The following GSE1 variants were observed in gnomAD, a reference collection of about 807,000 sequenced individuals.
The protein encoded by GSE1 is genetic suppressor element 1.
GSE1 carries 32 observed loss-of-function variants against 112.6 expected under a neutral mutation model. That is an observed-to-expected ratio of 0.28 (90% CI 0.21 to 0.38). GSE1 has a LOEUF of 0.38. GSE1 is among the 10% of genes least tolerant of loss of function. GSE1 has a pLI of 1.00. For synonymous variants in GSE1, 1,115 were observed against 735.6 expected (o/e 1.52, Z -8.35); for missense variants, 2,348 against 1,699.2 (o/e 1.38, Z -6.71).
chr16:85,304,606 G>GC (rs35518142), intron 1 of GSE1, among the ~76,000 whole-genome samples: 4,937 of 133,796 alleles, frequency 0.037, 275 homozygotes, highest in African/African-American at 0.082. Flanking sequence ...GGGGGCGGGG[G>GC]GGTGGGGCAT....
intron 1 of GSE1, among the ~76,000 whole-genome samples, chr16:85,265,287 C>T (rs1172703965): frequency 1.3e-5 from 2 of 152,312 alleles, no homozygotes; most frequent in Non-Finnish European, 2.9e-5. Flanking sequence ...GACTGCCTGC[C>T]TGCAAGCCAG....
intron 2 of GSE1, among the ~76,000 whole-genome samples, chr16:85,385,122 C>G (rs2151630650): frequency 6.6e-6 from 1 of 152,378 alleles, no homozygotes; most frequent in South Asian, 2.1e-4. Flanking sequence ...CAAGGAAGCC[C>G]TTTGTGCCAC....
At position 85,657,425 on chromosome 16, in the gene GSE1, G is replaced by T. The variant is rs749734305; in HGVS notation, c.1461G>T (p.Leu487=). The T allele has an allele frequency of 6.2e-7, 1 of 1,612,730 alleles. No individual in the cohort carries two copies. Among genetic ancestry groups the T allele is most frequent in the Non-Finnish European group, 8.5e-7 (1 of 1,179,864 alleles). The change falls in exon 8 of 16, where the codon CTG becomes CTT. Residue 487 remains leucine (L), a synonymous_variant. Transcript: ENST00000253458. ...GCAGCAGTGCTGCCACAGCCCTGCT[G>T]ATCCAGCGCACCAATGAGGAGGAGA... ...LPSSSAATAL[L]IQRTNEEEKW...
intron 1 of GSE1, chr16:85,593,676 A>T (rs1282742367): frequency 6.7e-6 from 1 of 148,402 alleles, no homozygotes; most frequent in Non-Finnish European, 1.5e-5. Context: ...TCTAATCTCC[A>T]ATTTTATTCG....
chr16:85,499,693 T>G (rs1447242276), intron 2 of GSE1, among the ~76,000 whole-genome samples: 1 of 152,228 alleles, frequency 6.6e-6, no homozygotes, highest in African/African-American at 2.4e-5. Flanking sequence ...TGGCAAATTT[T>G]ATGTGCATTT....
chr16:85,232,513 C>G (rs1039308361), intron 1 of GSE1, among the ~76,000 whole-genome samples: 1 of 152,164 alleles, frequency 6.6e-6, no homozygotes, highest in African/African-American at 2.4e-5. Context: ...TTTTCCTGCT[C>G]AGGGTGTGGT....
At chr16:85,657,115 G>A (rs1027637710) in intron 7 of GSE1, among the ~76,000 whole-genome samples, 162 bp from the exon 8 acceptor site, 1 of 152,190 alleles carries the variant, frequency 6.6e-6, no homozygotes, top group East Asian at 1.9e-4. Flanking sequence ...CATGCTTCTT[G>A]AAAGCTCCCG....
chr16:85,652,929 G>A (rs928356899), intron 3 of GSE1, among the ~76,000 whole-genome samples: 50 of 151,848 alleles, frequency 3.3e-4, no homozygotes, highest in Non-Finnish European at 5.4e-4. Context: ...ATCAGCAGTC[G>A]TTACCTGACA....
chr16:85,541,760 G>A (rs1190463323), intron 2 of GSE1, among the ~76,000 whole-genome samples: 2 of 152,220 alleles, frequency 1.3e-5, no homozygotes, highest in African/African-American at 4.8e-5. Flanking sequence ...GGCCCTGCAT[G>A]GCACAGAACA....
At chr16:85,181,939 G>A (rs959003846) in intron 1 of GSE1, among the ~76,000 whole-genome samples, 1 of 152,218 alleles carries the variant, frequency 6.6e-6, no homozygotes, top group Non-Finnish European at 1.5e-5. Flanking sequence ...TCCTCCAGGC[G>A]TGCCCTTGCC....
chr16:85,644,977 A>G lies in GSE1; in HGVS notation c.227-3575A>G, dbSNP rs2050734423. ...AAAAGCGCCTAGACTGCCAGTGTCC[A>G]GAACGAACCCACAGATCAGGAGGGC... On this transcript the variant is annotated intron_variant, in intron 2 of 15. Coordinates refer to ENST00000253458, the MANE Select transcript of GSE1 (RefSeq NM_014615.5). 6.6e-5 allele frequency among the ~76,000 whole-genome samples: 10 copies of G among 152,076 alleles called. No homozygotes were observed. In the South Asian group the frequency reaches 1.9e-3, roughly 28 times the overall value.
intron 2 of GSE1, among the ~76,000 whole-genome samples, chr16:85,426,056 T>TGGAGGGATGGATGGATGGATGGAA (rs1555510018): frequency 1.4e-5 from 2 of 144,020 alleles, no homozygotes; most frequent in African/African-American, 5.2e-5. Context: ...GATGGATGGA[T>TGGAGGGATGGATGGATGGATGGAA]GGATGGATGG....
At chr16:85,630,660 T>G (rs1357249185) in intron 1 of GSE1, among the ~76,000 whole-genome samples, 1 of 152,202 alleles carries the variant, frequency 6.6e-6, no homozygotes, top group Non-Finnish European at 1.5e-5. Flanking sequence ...TAGCTGTGTG[T>G]GGTGCGCGCA....
At chr16:85,545,650 T>G (rs2044669386) in intron 2 of GSE1, among the ~76,000 whole-genome samples, 1 of 152,252 alleles carries the variant, frequency 6.6e-6, no homozygotes, top group African/African-American at 2.4e-5. Context: ...AGACTTGCTC[T>G]TGTTGTGAAG....
intron 1 of GSE1, among the ~76,000 whole-genome samples, chr16:85,222,878 C>G (rs1160368667): frequency 2.0e-5 from 3 of 152,120 alleles, no homozygotes; most frequent in Non-Finnish European, 4.4e-5. Context: ...GGTGGCTTTT[C>G]TTCTGTTTTC....
rs377409637 is a variant in GSE1, at chr16:85,668,130, C to T, written c.3131-10C>T. 22 of 1,554,156 alleles carry T rather than the reference C, an allele frequency of 1.4e-5. No individual in the cohort carries two copies. Among genetic ancestry groups the T allele is most frequent in the African/African-American group, 2.7e-5 (2 of 73,496 alleles). On this transcript the variant is annotated splice_polypyrimidine_tract_variant and intron_variant, in intron 13 of 15. Transcript: ENST00000253458. The stretch of plus-strand genomic sequence containing the variant: ...CCAACACACTGATGCAAGCCCTGTC[C>T]CCTCCACAGGGAGCGTGGCTGTGCT...
chr16:85,210,197 C>T (rs1436732390), intron 1 of GSE1, among the ~76,000 whole-genome samples: 1 of 152,108 alleles, frequency 6.6e-6, no homozygotes, highest in Non-Finnish European at 1.5e-5. Flanking sequence ...CTACTTTGAC[C>T]CAGGAGTCCC....
At chr16:85,526,606 G>A (rs982753931) in intron 2 of GSE1, among the ~76,000 whole-genome samples, 5 of 152,240 alleles carry the variant, frequency 3.3e-5, no homozygotes, top group African/African-American at 1.2e-4. Context: ...AGTGTGGGAT[G>A]TGGGTGGAGA....
chr16:85,253,677 T>G (rs1270390136), intron 1 of GSE1, among the ~76,000 whole-genome samples: 1 of 152,148 alleles, frequency 6.6e-6, no homozygotes, highest in African/African-American at 2.4e-5. Context: ...CCAGCCTCCT[T>G]CCTGGAAGAC....
Sources: gnomAD v4.1 joint callset for allele counts (sites outside exome capture counted in the v4.1 genomes callset) on GRCh38, gnomAD v4.1.1 for gene constraint, MANE v1.5 for transcripts, NCBI Gene and HGNC (gene_info 2026-07-23, HGNC 2026-07-21) for gene names.